Variants in BAIAP2L2 observed in about 807,000 individuals in gnomAD.
BAIAP2L2 encodes the protein BAR/IMD domain containing adaptor protein 2 like 2, also known as BAR/IMD domain-containing adapter protein 2-like 2.
BAIAP2L2 carries 65 observed loss-of-function variants against 60.4 expected under a neutral mutation model. The observed-to-expected ratio is 1.08, with a 90% CI of 0.88 to 1.32. The LOEUF (loss-of-function observed/expected upper bound fraction) is 1.32, where lower values mean the gene tolerates loss of function less well. Ranked by LOEUF, BAIAP2L2 falls within the 40% of genes most tolerant of loss-of-function variation. The pLI is 0.00. For missense variants in BAIAP2L2, 836 were observed against 741.2 expected, an observed-to-expected ratio of 1.13 and a Z score of -1.48; for synonymous variants, 344 against 301.7, an observed-to-expected ratio of 1.14 and a Z score of -1.45.
intron 12 of BAIAP2L2, 27 bp from the exon 13 acceptor site, chr22:38,085,759 T>G: frequency 6.3e-7 from 1 of 1,577,278 alleles, no homozygotes; most frequent in Non-Finnish European, 8.6e-7. Context: ...GAAGGGCTGG[T>G]TTGGTGGGGA....
intron 4 of BAIAP2L2, among the ~76,000 whole-genome samples, chr22:38,107,562 C>A (rs2086689320): frequency 1.3e-5 from 2 of 152,140 alleles, no homozygotes; most frequent in Admixed American, 1.3e-4. Flanking sequence ...AGTGAAAGGA[C>A]CTTTCTCTTC....
intron 4 of BAIAP2L2, among the ~76,000 whole-genome samples, chr22:38,101,768 C>G (rs1393232936): frequency 6.6e-6 from 1 of 151,514 alleles, no homozygotes; most frequent in African/African-American, 2.4e-5. Context: ...GCAGGAGAAT[C>G]GCTTGAACCC....
At chr22:38,086,533 C>T in intron 11 of BAIAP2L2, 84 bp from the exon 12 acceptor site, 1 of 1,082,834 alleles carries the variant, frequency 9.2e-7, no homozygotes. Context: ...GCACCTTAGG[C>T]AGGAGGCATC....
intron 7 of BAIAP2L2, among the ~76,000 whole-genome samples, chr22:38,096,742 A>G (rs116019391): frequency 0.022 from 3,406 of 152,378 alleles, 135 homozygotes; most frequent in African/African-American, 0.077. Flanking sequence ...GTGAGAATAT[A>G]CAAACAGGAA....
At chr22:38,108,022 G>T in intron 3 of BAIAP2L2, 109 bp from the exon 4 acceptor site, 1 of 1,110,202 alleles carries the variant, frequency 9.0e-7, no homozygotes, top group Non-Finnish European at 1.3e-6. Flanking sequence ...ACTGGATTTT[G>T]GGACCAAAGT....
At chr22:38,091,967 A>G (rs1037969653) in intron 7 of BAIAP2L2, among the ~76,000 whole-genome samples, 2 of 152,216 alleles carry the variant, frequency 1.3e-5, no homozygotes, top group African/African-American at 4.8e-5. Flanking sequence ...CTAATTAGCC[A>G]AGATCAGAAA....
chr22:38,100,696 G>A (rs1184973903), intron 4 of BAIAP2L2, among the ~76,000 whole-genome samples: 2 of 152,168 alleles, frequency 1.3e-5, no homozygotes, highest in African/African-American at 4.8e-5. Flanking sequence ...AGTAGATGTT[G>A]GTGCCATGCT....
At chr22:38,109,048 G>A in intron 2 of BAIAP2L2, 85 bp downstream of exon 2, 2 of 1,075,770 alleles carry the variant, frequency 1.9e-6, no homozygotes, top group Non-Finnish European at 2.8e-6. Flanking sequence ...ACAGGTGTGG[G>A]ATGCAGAGAA....
chr22:38,100,153 T>A (rs1159854679), intron 4 of BAIAP2L2, among the ~76,000 whole-genome samples: 1 of 152,062 alleles, frequency 6.6e-6, no homozygotes, highest in African/African-American at 2.4e-5. Context: ...GTTATAGAAA[T>A]GCCAGGTAGA....
intron 4 of BAIAP2L2, among the ~76,000 whole-genome samples, chr22:38,104,244 C>G (rs911823337): frequency 2.6e-5 from 4 of 152,158 alleles, no homozygotes; most frequent in Non-Finnish European, 5.9e-5. Context: ...TGTGTATCCC[C>G]GGATGCATGG....
Position 38,086,327 on chromosome 22 carries a change from C to A in BAIAP2L2, c.1382G>T (p.Ser461Ile). The change falls in exon 12 of 14, where the codon AGC becomes ATC. Residue 461 changes from serine to isoleucine, a missense_variant. Coordinates refer to ENST00000381669, the MANE Select transcript of BAIAP2L2 (RefSeq NM_025045.6). ...SRSRTPSRVP[S>I]RAPSPAPPPL... The stretch of plus-strand genomic sequence containing the variant: ...TGGAGGTGCAGGGCTGGGGGCACGG[C>A]TTGGCACCCGGCTTGGGGTGCGGGA... The A allele has an allele frequency of 1.2e-6, 2 of 1,602,924 alleles. No homozygotes were observed. The highest frequency in any genetic ancestry group is 8.5e-7 in the Non-Finnish European group (1 of 1,173,790).
At chr22:38,089,416 G>A (rs2086220811) in intron 8 of BAIAP2L2, 106 bp downstream of exon 8, 1 of 649,702 alleles carries the variant, frequency 1.5e-6, no homozygotes, top group African/African-American at 1.9e-5. Context: ...GCAGCGTAGA[G>A]CGGGAGCCTG....
chr22:38,090,118 T>TTTTTTTTTTATA (rs1555964444), intron 7 of BAIAP2L2: 1 of 123,086 alleles, frequency 8.1e-6, no homozygotes, highest in Admixed American at 9.4e-5. Flanking sequence ...TTTTTTTTTT[T>TTTTTTTTTTATA]TTTTTTTTTT....
Position 38,085,752 on chromosome 22 carries a change from G to A in BAIAP2L2, c.1468-20C>T. 1.9e-6 allele frequency: 3 copies of A among 1,583,398 alleles called. No individual in the cohort carries two copies. The highest frequency in any genetic ancestry group is 2.6e-6 in the Non-Finnish European group (3 of 1,166,094). On this transcript the variant is annotated intron_variant, in intron 12 of 13. Transcript: ENST00000381669. ...CAGTTTCTGCAGTGGGGGTGGGGAA[G>A]GGCTGGTTTGGTGGGGAGAGGGGCA...
chr22:38,097,359 T>C (rs899855943), intron 6 of BAIAP2L2, among the ~76,000 whole-genome samples, 181 bp from the exon 7 acceptor site: 4 of 152,122 alleles, frequency 2.6e-5, no homozygotes, highest in African/African-American at 9.7e-5. Context: ...AGCCTTGTTA[T>C]GAGTCTGGGC....
intron 7 of BAIAP2L2, chr22:38,094,062 A>G: frequency 2.2e-6 from 1 of 454,290 alleles, no homozygotes; most frequent in South Asian, 1.6e-5. Context: ...AAAAGAGCAC[A>G]CACATTGTAT....
rs1391580013 is a variant in BAIAP2L2, at chr22:38,108,357, G to C, written c.128-16C>G. 6 of 1,602,710 alleles carry C rather than the reference G, an allele frequency of 3.7e-6. No homozygotes were observed. The highest frequency in any genetic ancestry group is 1.6e-4 in the Middle Eastern group (1 of 6,062). On this transcript the variant is annotated splice_polypyrimidine_tract_variant and intron_variant, in intron 2 of 13. Coordinates refer to ENST00000381669, the MANE Select transcript of BAIAP2L2 (RefSeq NM_025045.6). ...TCGGACAGAGCTGTGGACCAGAAGG[G>C]ACAGGTCTGGTCCAGCCCTGCCTCT...
At chr22:38,085,596 G>T in intron 13 of BAIAP2L2, 90 bp downstream of exon 13, 1 of 1,461,556 alleles carries the variant, frequency 6.8e-7, no homozygotes, top group Non-Finnish European at 9.6e-7. Context: ...AGATCCTCCT[G>T]CCCCAGTCTC....
At position 38,084,976 on chromosome 22, in the gene BAIAP2L2, A is replaced by C; in HGVS notation, c.*324T>G. ...GGCATGTGTTGGGCACGGAGCAGGTACAAGGGGCTCCTCCCCACGGGGGCA... is the reference window on the plus strand; with the variant it reads ...GGCATGTGTTGGGCACGGAGCAGGTCCAAGGGGCTCCTCCCCACGGGGGCA... On this transcript the variant is annotated 3_prime_UTR_variant, in exon 14 of 14. Coordinates refer to ENST00000381669, the MANE Select transcript of BAIAP2L2 (RefSeq NM_025045.6). The C allele has an allele frequency of 3.0e-6, 1 of 329,654 alleles. No individual in the cohort carries two copies. The highest frequency in any genetic ancestry group is 5.8e-6 in the Non-Finnish European group (1 of 172,702). 20.4% of individuals were successfully genotyped at this position (329,654 alleles called of 1,614,324 possible). A position where few individuals can be genotyped will look rare whatever the true frequency, so the allele number is the denominator to read the frequency against.
Sources: allele counts gnomAD v4.1 joint callset (sites outside exome capture counted in the v4.1 genomes callset), GRCh38; gene constraint gnomAD v4.1.1; transcripts MANE v1.5; gene names NCBI Gene and HGNC (gene_info 2026-07-23, HGNC 2026-07-21).